The following ZNF626 variants were observed in gnomAD, a reference collection of about 807,000 sequenced individuals.
The protein encoded by ZNF626 is CTC-513N18.7.
Under a neutral mutation model 11.7 loss-of-function variants are expected in ZNF626, and 4 were observed. The ratio of observed to expected loss-of-function variants is 0.34; its 90% CI spans 0.17 to 0.78. The LOEUF (loss-of-function observed/expected upper bound fraction) is 0.78. Among genes scored for constraint, ZNF626 ranks in the 30% least tolerant of loss-of-function variants. The pLI is 0.57. For missense variants in ZNF626, 588 were observed against 587.1 expected (o/e 1.00, Z -0.01); for synonymous variants, 179 against 198.6 (o/e 0.90, Z 0.83).
intron 1 of ZNF626, among the ~76,000 whole-genome samples, chr19:20,647,024 A>G (rs1258225773): frequency 2.1e-5 from 3 of 139,790 alleles, no homozygotes; most frequent in Non-Finnish European, 4.7e-5. Context: ...TTTTTTTCGT[A>G]GTTTTAGTAG....
chr19:20,626,585 G>A (rs1015593279), intron 3 of ZNF626, among the ~76,000 whole-genome samples: 22 of 151,892 alleles, frequency 1.4e-4, no homozygotes, highest in Non-Finnish European at 3.1e-4. Flanking sequence ...GGGCATGGTG[G>A]CATGTGCCTG....
chr19:20,649,803 T>C (rs1242181968), intron 1 of ZNF626, among the ~76,000 whole-genome samples: 2 of 138,946 alleles, frequency 1.4e-5, no homozygotes, highest in African/African-American at 3.1e-5. Flanking sequence ...CAAGTTCCCT[T>C]TCAATGCTGA....
At chr19:20,651,506 AG>A (rs1213496801) in intron 1 of ZNF626, among the ~76,000 whole-genome samples, 2 of 152,098 alleles carry the variant, frequency 1.3e-5, no homozygotes, top group African/African-American at 4.8e-5. Context: ...AGGAAACTGG[AG>A]AAACTCTCAT....
At chr19:20,650,990 C>A (rs1599485966) in intron 1 of ZNF626, among the ~76,000 whole-genome samples, 1 of 151,938 alleles carries the variant, frequency 6.6e-6, no homozygotes, top group Admixed American at 6.6e-5. Context: ...AGTTCAAGAC[C>A]AGACTAACCA....
chr19:20,661,166 A>G (rs1252236047), intron 1 of ZNF626, among the ~76,000 whole-genome samples: 1 of 152,140 alleles, frequency 6.6e-6, no homozygotes, highest in Non-Finnish European at 1.5e-5. Context: ...TCCCTGCACA[A>G]TCTGGGAGAG....
intron 3 of ZNF626, chr19:20,644,927 C>T (rs1970058663): frequency 6.6e-6 from 1 of 151,200 alleles, no homozygotes; most frequent in Middle Eastern, 3.5e-3. Flanking sequence ...TAAATCTTTA[C>T]AATAAAAAAA....
Position 20,623,972 on chromosome 19 carries a change from A to G in ZNF626, c.*318T>C, listed in dbSNP as rs1969787105. 4.0e-6 allele frequency: 2 copies of G among 497,808 alleles called. No individual in the cohort carries two copies. Among genetic ancestry groups the G allele is most frequent in the Non-Finnish European group, 7.4e-6 (2 of 270,864 alleles). 30.8% of individuals were successfully genotyped at this position (497,808 alleles called of 1,614,324 possible). On this transcript the variant is annotated 3_prime_UTR_variant, in exon 4 of 4. Transcript: ENST00000601440. ...ATATTTCATATCAATTCTTAGTTAG[A>G]AATTGAGGGCTGGTTAAAAGATTTT...
rs781804018 is a variant in ZNF626, at chr19:20,625,016, A to G, written c.861T>C (p.Cys287=). Residue 287 remains cysteine, a synonymous_variant, in exon 4 of 4, where the codon TGT becomes TGC. Coordinates refer to ENST00000601440, the MANE Select transcript of ZNF626 (RefSeq NM_001076675.3). Reference sequence around the variant, plus strand: ...GGTTGAAGGCTTTGCCACATTCTTCACATTTGTAGGGTTTCTTTTCCGTAT... The same window carrying G: ...GGTTGAAGGCTTTGCCACATTCTTCGCATTTGTAGGGTTTCTTTTCCGTAT... ...IIHTEKKPYK[C]EECGKAFNRS... 2 of 1,613,880 alleles carry G rather than the reference A, an allele frequency of 1.2e-6. No homozygotes were observed. The highest frequency in any genetic ancestry group is 1.7e-6 in the Non-Finnish European group (2 of 1,179,996).
chr19:20,633,118 ATAC>A (rs199764988), intron 3 of ZNF626, among the ~76,000 whole-genome samples: 1 of 152,106 alleles, frequency 6.6e-6, no homozygotes, highest in African/African-American at 2.4e-5. Context: ...TGAACCGCAG[ATAC>A]TGCTGCCTGA....
At chr19:20,649,464 T>C (rs1186933211) in intron 1 of ZNF626, among the ~76,000 whole-genome samples, 3 of 152,142 alleles carry the variant, frequency 2.0e-5, no homozygotes, top group Admixed American at 6.6e-5. Context: ...GAACAGGCCC[T>C]GTGACCACCC....
At chr19:20,634,426 A>G (rs1555770731) in intron 3 of ZNF626, among the ~76,000 whole-genome samples, 1 of 152,224 alleles carries the variant, frequency 6.6e-6, no homozygotes, top group Non-Finnish European at 1.5e-5. Context: ...GCCTTAACAC[A>G]TTTTTTAAAA....
At chr19:20,632,822 T>C (rs1165784042) in intron 3 of ZNF626, among the ~76,000 whole-genome samples, 6 of 152,368 alleles carry the variant, frequency 3.9e-5, no homozygotes, top group Admixed American at 3.3e-4. Flanking sequence ...GTTCTGTTCC[T>C]GGTGAGGAGC....
rs181960990 is a variant in ZNF626 at position 20,661,040 on chromosome 19, G to A, written c.3+404C>T. Among the ~76,000 whole-genome samples the A allele has an allele frequency of 2.0e-5, 3 of 152,310 alleles. No homozygotes were observed. The East Asian group carries it at 5.8e-4, about 29-fold the overall frequency. ...TTACAGGCGTGAGCCACAGCGTCCGGCCCCATACATTTTTAATAGGAGAAA... is the reference window on the plus strand; with the variant it reads ...TTACAGGCGTGAGCCACAGCGTCCGACCCCATACATTTTTAATAGGAGAAA... On this transcript the variant is annotated intron_variant, in intron 1 of 3. Coordinates refer to ENST00000601440, the MANE Select transcript of ZNF626 (RefSeq NM_001076675.3).
chr19:20,644,510 A>C (rs1289241015), intron 3 of ZNF626, among the ~76,000 whole-genome samples: 1 of 152,228 alleles, frequency 6.6e-6, no homozygotes, highest in African/African-American at 2.4e-5. Context: ...TCATCACCCT[A>C]AGGGCCCAAT....
chr19:20,639,598 C>T (rs1555771226), intron 3 of ZNF626, among the ~76,000 whole-genome samples: 1 of 152,096 alleles, frequency 6.6e-6, no homozygotes. Context: ...ATTAAACAGA[C>T]ATCTAGTGCG....
At position 20,623,488 on chromosome 19, in the gene ZNF626, C is replaced by G; in HGVS notation, c.*802G>C. 1 of 153,246 alleles carries G rather than the reference C, an allele frequency of 6.5e-6. No individual in the cohort carries two copies. Among genetic ancestry groups the G allele is most frequent in the Admixed American group, 6.5e-5 (1 of 15,444 alleles). The allele number at this position is 153,246 out of a possible 1,614,324, so 9.5% of individuals were successfully genotyped here. A position where few individuals can be genotyped will look rare whatever the true frequency, so the allele number is the denominator to read the frequency against. On this transcript the variant is annotated 3_prime_UTR_variant, in exon 4 of 4. Transcript: ENST00000601440. ...AGAGTTCCTCTTCAGAATGAATTAT[C>G]ACCATGTCTCTTAATAGTAAGAACT...
At chr19:20,660,876 G>T (rs28536599) in intron 1 of ZNF626, among the ~76,000 whole-genome samples, 13 of 152,062 alleles carry the variant, frequency 8.5e-5, no homozygotes, top group Admixed American at 3.9e-4. Context: ...AGGAAAAGGG[G>T]GTAGAAGAAG....
chr19:20,649,192 CTA>C (rs1568461078), intron 1 of ZNF626, among the ~76,000 whole-genome samples: 2 of 152,094 alleles, frequency 1.3e-5, no homozygotes, highest in African/African-American at 4.8e-5. Flanking sequence ...TATCTTGAGA[CTA>C]TGTCTTTAAA....
At chr19:20,636,350 A>G (rs1354243630) in intron 3 of ZNF626, among the ~76,000 whole-genome samples, 1 of 151,972 alleles carries the variant, frequency 6.6e-6, no homozygotes, top group Non-Finnish European at 1.5e-5. Flanking sequence ...ATTATAAACT[A>G]AAAAATATAT....
Sources: gnomAD v4.1 joint callset for allele counts (sites outside exome capture counted in the v4.1 genomes callset) on GRCh38, gnomAD v4.1.1 for gene constraint, MANE v1.5 for transcripts, NCBI Gene and HGNC (gene_info 2026-07-23, HGNC 2026-07-21) for gene names.